The following STK32B variants were observed in gnomAD, a reference collection of about 807,000 sequenced individuals.
STK32B encodes the protein serine/threonine-protein kinase 32B.
Under a neutral mutation model 52.6 loss-of-function variants are expected in STK32B, and 43 were observed. The ratio of observed to expected loss-of-function variants is 0.82; its 90% confidence interval spans 0.64 to 1.05. The LOEUF (loss-of-function observed/expected upper bound fraction) is 1.05, where lower values mean the gene tolerates loss of function less well. Ranked by LOEUF, STK32B falls within the 50% of genes least tolerant of loss-of-function variation. STK32B has a pLI of 0.00. For missense variants in STK32B, 621 were observed against 534.6 expected, an observed-to-expected ratio of 1.16 and a Z score of -1.59; for synonymous variants, 238 against 204.3, an observed-to-expected ratio of 1.17 and a Z score of -1.41.
the STK32B span, among the ~76,000 whole-genome samples, chr4:5,035,463 T>C: frequency 2.0e-5 from 3 of 152,318 alleles, no homozygotes; most frequent in Non-Finnish European, 1.5e-5. Flanking sequence ...GGGGACGATA[T>C]GCTCGACTAT....
chr4:5,494,247 A>C (rs1197139904), intron 11 of STK32B, among the ~76,000 whole-genome samples: 2 of 152,120 alleles, frequency 1.3e-5, no homozygotes, highest in Non-Finnish European at 2.9e-5. Flanking sequence ...GACTTGCTTT[A>C]TGAATCTGGG....
At chr4:5,351,213 C>A (rs1006297238) in intron 4 of STK32B, among the ~76,000 whole-genome samples, 1 of 152,058 alleles carries the variant, frequency 6.6e-6, no homozygotes, top group African/African-American at 2.4e-5. Context: ...CAGGCTAGAC[C>A]ATATGTTAGG....
intron 3 of STK32B, among the ~76,000 whole-genome samples, chr4:5,193,064 C>T (rs889041394): frequency 1.3e-5 from 2 of 152,164 alleles, no homozygotes; most frequent in Non-Finnish European, 2.9e-5. Context: ...AGAAGAGGAA[C>T]CCCGGCCACT....
intron 4 of STK32B, among the ~76,000 whole-genome samples, chr4:5,360,160 C>T (rs1734452828): frequency 6.6e-6 from 1 of 152,090 alleles, no homozygotes; most frequent in Non-Finnish European, 1.5e-5. Flanking sequence ...CCAAACCAGC[C>T]ACAGTTCAGT....
chr4:5,211,372 A>G (rs973666660), intron 3 of STK32B, among the ~76,000 whole-genome samples: 1 of 149,836 alleles, frequency 6.7e-6, no homozygotes, highest in African/African-American at 2.4e-5. Context: ...AAAGAGTGGG[A>G]TCTTGAGCTT....
At chr4:5,360,804 C>G (rs1734494917) in intron 4 of STK32B, among the ~76,000 whole-genome samples, 1 of 152,082 alleles carries the variant, frequency 6.6e-6, no homozygotes, top group Non-Finnish European at 1.5e-5. Context: ...AAAACTCCGT[C>G]TCAAACAAAC....
rs115011629 is a variant in STK32B, at chr4:5,128,095, C to A, written c.53-11810C>A. Among the ~76,000 whole-genome samples the A allele has an allele frequency of 2.3e-3, 355 of 152,290 alleles. 2 individuals are homozygous for A. Among genetic ancestry groups the A allele is most frequent in the African/African-American group, 8.0e-3 (333 of 41,552 alleles). ...TGTTTATTAGCAGCGTGAAAACAGA[C>A]TAATACAGCTGGCAACTCCCAGAAG... is the stretch of plus-strand genomic sequence containing the variant. On this transcript the variant is annotated intron_variant, in intron 1 of 11. Transcript: ENST00000282908.
At chr4:5,213,323 A>G (rs187044346) in intron 3 of STK32B, among the ~76,000 whole-genome samples, 2 of 152,230 alleles carry the variant, frequency 1.3e-5, no homozygotes, top group Non-Finnish European at 2.9e-5. Flanking sequence ...TCCTTGTCTC[A>G]TACAGTCTAT....
chr4:5,493,408 G>A (rs972651301), intron 11 of STK32B, among the ~76,000 whole-genome samples: 17 of 152,186 alleles, frequency 1.1e-4, no homozygotes, highest in African/African-American at 4.1e-4. Context: ...TTGTATTTCT[G>A]TGGGATCGGT....
intron 5 of STK32B, among the ~76,000 whole-genome samples, chr4:5,409,225 G>T (rs970988306): frequency 6.6e-6 from 1 of 152,112 alleles, no homozygotes; most frequent in African/African-American, 2.4e-5. Flanking sequence ...GTTAGAAAAT[G>T]CATTTTCCCC....
intron 3 of STK32B, among the ~76,000 whole-genome samples, chr4:5,283,631 G>A (rs1209369365): frequency 6.6e-6 from 1 of 152,152 alleles, no homozygotes; most frequent in African/African-American, 2.4e-5. Flanking sequence ...CCCCAAGATG[G>A]CTTTCAACAG....
chr4:5,441,403 G>A (rs1483066671), intron 6 of STK32B, among the ~76,000 whole-genome samples: 1 of 150,788 alleles, frequency 6.6e-6, no homozygotes, highest in Admixed American at 6.6e-5. Flanking sequence ...AGAGGTGTTT[G>A]TAGTATTCTC....
At chr4:5,328,540 C>T (rs1732022035) in intron 3 of STK32B, among the ~76,000 whole-genome samples, 1 of 152,184 alleles carries the variant, frequency 6.6e-6, no homozygotes, top group Non-Finnish European at 1.5e-5. Flanking sequence ...AGCATGAGAA[C>T]ACATCCAACC....
intron 7 of STK32B, among the ~76,000 whole-genome samples, chr4:5,451,135 G>A (rs750312232): frequency 5.9e-5 from 9 of 152,282 alleles, no homozygotes; most frequent in East Asian, 1.9e-4. Context: ...GGAGATGTGC[G>A]GATTATTGTG....
intron 3 of STK32B, among the ~76,000 whole-genome samples, chr4:5,295,889 C>T (rs2108889351): frequency 6.6e-6 from 1 of 152,228 alleles, no homozygotes; most frequent in East Asian, 1.9e-4. Context: ...TTCCCACTTT[C>T]TGATGTGGGC....
intron 5 of STK32B, among the ~76,000 whole-genome samples, chr4:5,409,661 G>A (rs1166569097): frequency 1.3e-5 from 2 of 152,100 alleles, no homozygotes; most frequent in Non-Finnish European, 2.9e-5. Flanking sequence ...AGGGCATGGG[G>A]GCACCAGAAT....
intron 1 of STK32B, among the ~76,000 whole-genome samples, chr4:5,086,849 T>C (rs2108779742): frequency 6.6e-6 from 1 of 152,310 alleles, no homozygotes; most frequent in Middle Eastern, 3.4e-3. Context: ...AAAAACTATC[T>C]TTAAAAATGA....
At chr4:5,287,097 G>C (rs912995476) in intron 3 of STK32B, among the ~76,000 whole-genome samples, 3 of 152,100 alleles carry the variant, frequency 2.0e-5, no homozygotes, top group South Asian at 4.2e-4. Context: ...CGCCCAGCCA[G>C]GTGTACACTT....
rs1025877983 is a variant in STK32B at position 5,470,372 on chromosome 4, TAAAG to T, written c.1106+2308_1106+2311del. On this transcript the variant is annotated intron_variant, in intron 11 of 11. Transcript: ENST00000282908. The surrounding 1 kb of genome is among the most constrained non-coding windows in gnomAD (Gnocchi z 4.6). ...GCATAGTTTACCGGAGTCAGCAAAATAAAGAAAGAGGGCAGACGTCATGTGTTCC... is the reference window on the plus strand; with the variant it reads ...GCATAGTTTACCGGAGTCAGCAAAATAAAGAGGGCAGACGTCATGTGTTCC... 3.3e-5 allele frequency among the ~76,000 whole-genome samples: 5 copies of T among 151,950 alleles called. No individual in the cohort carries two copies. Among genetic ancestry groups the T allele is most frequent in the South Asian group, 2.1e-4 (1 of 4,802 alleles).
Sources: allele counts gnomAD v4.1 joint callset (sites outside exome capture counted in the v4.1 genomes callset), GRCh38; gene constraint gnomAD v4.1.1; non-coding constraint Gnocchi (gnomAD v3.1); transcripts MANE v1.5; gene names NCBI Gene and HGNC (gene_info 2026-07-23, HGNC 2026-07-21).